Variants in ELP3 observed in about 807,000 individuals in gnomAD.
ELP3 encodes elongator complex protein 3.
Under a neutral mutation model 74.9 loss-of-function variants are expected in ELP3, and 56 were observed. The ratio of observed to expected loss-of-function variants is 0.75; its 90% confidence interval spans 0.60 to 0.93. ELP3 has a LOEUF of 0.93. ELP3 is among the 40% of genes least tolerant of loss of function. The pLI is 0.00. For missense variants in ELP3, 573 were observed against 686.5 expected, an observed-to-expected ratio of 0.83 and a Z score of 1.85; for synonymous variants, 222 against 239.8, an observed-to-expected ratio of 0.93 and a Z score of 0.68.
At chr8:28,172,477 T>C (rs758069574) in intron 14 of ELP3, among the ~76,000 whole-genome samples, 5 of 152,140 alleles carry the variant, frequency 3.3e-5, no homozygotes, top group Non-Finnish European at 7.4e-5. Context: ...AACTGATTTT[T>C]CTTCCATATT....
At chr8:28,162,442 C>T (rs1047965824) in intron 14 of ELP3, among the ~76,000 whole-genome samples, 14 of 152,200 alleles carry the variant, frequency 9.2e-5, no homozygotes, top group Non-Finnish European at 1.9e-4. Context: ...TGGAGATTAT[C>T]ACTATTGTTC....
At chr8:28,123,014 C>T (rs2130436168) in intron 7 of ELP3, among the ~76,000 whole-genome samples, 1 of 152,302 alleles carries the variant, frequency 6.6e-6, no homozygotes, top group Non-Finnish European at 1.5e-5. Flanking sequence ...ATCCCAGCTA[C>T]TGGGGAAGCT....
chr8:28,149,161 G>A (rs1813547098), intron 10 of ELP3, among the ~76,000 whole-genome samples: 2 of 152,204 alleles, frequency 1.3e-5, no homozygotes, highest in South Asian at 4.1e-4. Flanking sequence ...AACAGTTCAT[G>A]GTATTTTGTT....
intron 10 of ELP3, among the ~76,000 whole-genome samples, chr8:28,145,738 C>T (rs1437854234): frequency 1.3e-5 from 2 of 152,226 alleles, no homozygotes. Flanking sequence ...ATTCTCCTGC[C>T]TCATCCTCCT....
At chr8:28,180,148 T>G (rs1299413568) in intron 14 of ELP3, among the ~76,000 whole-genome samples, 1 of 152,218 alleles carries the variant, frequency 6.6e-6, no homozygotes, top group Non-Finnish European at 1.5e-5. Flanking sequence ...TCCTTGGGCT[T>G]CTTTAATCAG....
At position 28,121,320 on chromosome 8, in the gene ELP3, TA is replaced by T. The variant is rs1332342969; in HGVS notation, c.617+8148del. Among the ~76,000 whole-genome samples, 49 of 145,956 alleles carry T rather than the reference TA, an allele frequency of 3.4e-4. 1 individual carries two copies. Among genetic ancestry groups the T allele is most frequent in the East Asian group, 1.6e-3 (7 of 4,460 alleles). ...CATTTTTAAATTTTATTATTATTAT[TA>T]TTATTTTTTTTTTTTTGAATCGGAG... On this transcript the variant is annotated intron_variant, in intron 7 of 14. Transcript: ENST00000256398.
intron 1 of ELP3, among the ~76,000 whole-genome samples, chr8:28,094,185 C>T (rs1811161200): frequency 6.6e-6 from 1 of 152,156 alleles, no homozygotes; most frequent in African/African-American, 2.4e-5. Context: ...CTCAATCTAC[C>T]AGGATTCTTT....
chr8:28,124,101 A>G (rs1812482510), intron 7 of ELP3, among the ~76,000 whole-genome samples: 1 of 152,214 alleles, frequency 6.6e-6, no homozygotes, highest in South Asian at 2.1e-4. Context: ...GTAGCCAAGA[A>G]TAATAGTTGT....
chr8:28,158,940 C>T (rs540380728), intron 12 of ELP3, among the ~76,000 whole-genome samples: 1 of 152,284 alleles, frequency 6.6e-6, no homozygotes, highest in Non-Finnish European at 1.5e-5. Context: ...CTGTTGAGCA[C>T]TTGCAATATG....
chr8:28,170,452 G>A (rs1235378061), intron 14 of ELP3, among the ~76,000 whole-genome samples: 1 of 152,126 alleles, frequency 6.6e-6, no homozygotes, highest in Non-Finnish European at 1.5e-5. Flanking sequence ...ACAATACTCA[G>A]CCTGCACCTG....
At chr8:28,146,464 T>C (rs1045245680) in intron 10 of ELP3, among the ~76,000 whole-genome samples, 4 of 152,208 alleles carry the variant, frequency 2.6e-5, no homozygotes, top group Non-Finnish European at 4.4e-5. Context: ...AAGCTTGAAA[T>C]GTTACCTGTT....
chr8:28,138,346 G>A (rs573059857), intron 10 of ELP3, among the ~76,000 whole-genome samples: 56 of 152,210 alleles, frequency 3.7e-4, no homozygotes, highest in South Asian at 8.3e-4. Context: ...TATTTCTGAT[G>A]GCTTGAAGAA....
chr8:28,124,552 TTATG>T (rs1812499687), intron 7 of ELP3, among the ~76,000 whole-genome samples: 1 of 152,238 alleles, frequency 6.6e-6, no homozygotes. Context: ...TATAATGTTT[TTATG>T]TATATAACCC....
In ELP3 at chr8:28,160,332, G is replaced by A. The variant is rs754614952; in HGVS notation, c.1361G>A (p.Arg454His). 8.1e-6 allele frequency: 13 copies of A among 1,614,064 alleles called. No homozygotes were observed. Among genetic ancestry groups the A allele is most frequent in the South Asian group, 1.1e-5 (1 of 91,088 alleles). Reference protein sequence around the residue: ...QDILIGLLRLRKCSEETFRFE... With the variant: ...QDILIGLLRLHKCSEETFRFE... ...ATTTTGATTGGCCTCCTACGATTAC[G>A]CAAGTGTTCAGAAGAAACTTTCCGT... Residue 454 changes from arginine (R) to histidine (H), a missense_variant, in exon 13 of 15, where the codon CGC (arginine) becomes CAC (histidine). Coordinates refer to ENST00000256398, the MANE Select transcript of ELP3 (RefSeq NM_018091.6).
At chr8:28,138,840 G>C (rs751408736) in intron 10 of ELP3, among the ~76,000 whole-genome samples, 1 of 152,206 alleles carries the variant, frequency 6.6e-6, no homozygotes, top group Non-Finnish European at 1.5e-5. Flanking sequence ...TGGCCAAACT[G>C]CAGGATCTGA....
At chr8:28,091,817 T>C (rs1811062569), upstream of ELP3, among the ~76,000 whole-genome samples, 1 of 152,178 alleles carries the variant, frequency 6.6e-6, no homozygotes, top group African/African-American at 2.4e-5. Flanking sequence ...ATGGAATCTG[T>C]GGCCTGTGGT....
At position 28,171,043 on chromosome 8, in the gene ELP3, A is replaced by G. The variant is rs565123089; in HGVS notation, c.1567+8965A>G. Among the ~76,000 whole-genome samples, 54 of 152,320 alleles carry G rather than the reference A, an allele frequency of 3.5e-4. 3 individuals are homozygous for G. In the South Asian group the frequency reaches 6.4e-3, roughly 18 times the overall value. On this transcript the variant is annotated intron_variant, in intron 14 of 14. Transcript: ENST00000256398. ...TTTGCTTCCTTGTTATGGCACAATA[A>G]TATTCCATTACATGTATATACCACA...
At chr8:28,173,390 C>T (rs1181967676) in intron 14 of ELP3, among the ~76,000 whole-genome samples, 1 of 151,860 alleles carries the variant, frequency 6.6e-6, no homozygotes, top group African/African-American at 2.4e-5. Flanking sequence ...TGTTGGCGTA[C>T]AGTTGTTCAT....
At chr8:28,109,750 T>C (rs1227688531) in intron 5 of ELP3, among the ~76,000 whole-genome samples, 1 of 152,218 alleles carries the variant, frequency 6.6e-6, no homozygotes, top group Non-Finnish European at 1.5e-5. Flanking sequence ...TTAAGTACTA[T>C]GTGTGGAATT....
Sources: gnomAD v4.1 joint callset for allele counts (sites outside exome capture counted in the v4.1 genomes callset) on GRCh38, gnomAD v4.1.1 for gene constraint, MANE v1.5 for transcripts, NCBI Gene and HGNC (gene_info 2026-07-23, HGNC 2026-07-21) for gene names.